LIPA: variants seen among roughly 807,000 people sequenced by gnomAD.
LIPA encodes lysosomal acid lipase/cholesteryl ester hydrolase.
Under a neutral mutation model 40.6 loss-of-function variants are expected in LIPA, and 26 were observed. The ratio of observed to expected loss-of-function variants is 0.64; its 90% CI spans 0.47 to 0.89. The LOEUF (loss-of-function observed/expected upper bound fraction) is 0.89. LIPA is among the 40% of genes least tolerant of loss of function. The probability of loss-of-function intolerance (pLI) is 0.00; values close to 1 mark genes in which losing one functional copy is unlikely to be tolerated. For missense variants in LIPA, 455 were observed against 479.6 expected (o/e 0.95, Z 0.48); for synonymous variants, 188 against 168.4 (o/e 1.12, Z -0.90).
intron 1 of LIPA, among the ~76,000 whole-genome samples, chr10:89,266,004 C>T (rs920537943): frequency 8.5e-5 from 13 of 152,270 alleles, no homozygotes; most frequent in African/African-American, 2.4e-4. Flanking sequence ...GTTTATTCAG[C>T]GTCCCTAAGA....
At chr10:89,291,492 C>G (rs1414345677) in intron 1 of LIPA, among the ~76,000 whole-genome samples, 1 of 152,144 alleles carries the variant, frequency 6.6e-6, no homozygotes, top group African/African-American at 2.4e-5. Flanking sequence ...TTATAGTTAA[C>G]CTACCACAAT....
At chr10:89,392,757 T>G (rs752448965) in intron 2 of LIPA, 1 of 1,607,734 alleles carries the variant, frequency 6.2e-7, no homozygotes, top group Admixed American at 1.7e-5. Flanking sequence ...TGTCTAAAGT[T>G]TTTGAAAAAA....
chr10:89,247,825 AATTTT>A (rs1843049365), intron 1 of LIPA, 176 bp from the exon 2 acceptor site: 1 of 321,238 alleles, frequency 3.1e-6, no homozygotes. Context: ...GGAATTTTTA[AATTTT>A]ATTTATTTAT....
intron 2 of LIPA, among the ~76,000 whole-genome samples, chr10:89,388,973 G>C (rs1190687579): frequency 1.3e-5 from 2 of 152,142 alleles, no homozygotes; most frequent in Non-Finnish European, 2.9e-5. Flanking sequence ...TGGAGTCCAA[G>C]TCCTCTCTCC....
chr10:89,359,796 C>A (rs1844010032), intron 2 of LIPA, among the ~76,000 whole-genome samples: 1 of 148,816 alleles, frequency 6.7e-6, no homozygotes, highest in Non-Finnish European at 1.5e-5. Context: ...CCCTCTCTAT[C>A]TATCTCTCTC....
chr10:89,300,713 G>A lies in LIPA; in HGVS notation c.-2+41898C>T, dbSNP rs570940121. Among the ~76,000 whole-genome samples the A allele has an allele frequency of 2.6e-4, 39 of 152,338 alleles. No homozygotes were observed. The South Asian group carries it at 2.9e-3, about 11-fold the overall frequency. ...ACATTGAAATTTCCCCTGGCCGGGC[G>A]TGGTGGCTCACGCCTGTAATCCCAG... On this transcript the variant is annotated intron_variant, in intron 1 of 5. Coordinates refer to the LIPA transcript ENST00000282673.
intron 1 of LIPA, among the ~76,000 whole-genome samples, chr10:89,263,102 A>G (rs1041938866): frequency 3.3e-5 from 5 of 152,226 alleles, no homozygotes; most frequent in Admixed American, 1.3e-4. Flanking sequence ...ATAGGGTATC[A>G]GGGCCAGTTT....
At chr10:89,334,537 C>T (rs1236518224) in intron 1 of LIPA, among the ~76,000 whole-genome samples, 1 of 101,690 alleles carries the variant, frequency 9.8e-6, no homozygotes, top group Non-Finnish European at 1.8e-5. Context: ...GCTCTTTCGC[C>T]CAGGCTGGAG....
intron 5 of LIPA, among the ~76,000 whole-genome samples, chr10:89,225,568 C>T (rs910404416): frequency 2.0e-5 from 3 of 152,200 alleles, no homozygotes; most frequent in African/African-American, 7.2e-5. Context: ...CTCACCCCAT[C>T]ACCTTTATCT....
intron 1 of LIPA, among the ~76,000 whole-genome samples, chr10:89,324,287 C>G (rs953675529): frequency 6.6e-6 from 1 of 152,276 alleles, no homozygotes; most frequent in Admixed American, 6.5e-5. Flanking sequence ...AAATGATTCC[C>G]TGTTCAATAA....
intron 1 of LIPA, among the ~76,000 whole-genome samples, chr10:89,266,062 G>A (rs527389681): frequency 6.6e-5 from 10 of 152,288 alleles, no homozygotes; most frequent in Non-Finnish European, 1.3e-4. Context: ...TTCTACATAT[G>A]ATATATGTTT....
At chr10:89,246,561 T>C (rs1277747413) in intron 2 of LIPA, among the ~76,000 whole-genome samples, 1 of 152,248 alleles carries the variant, frequency 6.6e-6, no homozygotes, top group Non-Finnish European at 1.5e-5. Flanking sequence ...TATCAGGTCA[T>C]ACTCTCCTGG....
intron 1 of LIPA, among the ~76,000 whole-genome samples, chr10:89,275,438 C>T (rs1843284654): frequency 1.3e-5 from 2 of 152,186 alleles, no homozygotes; most frequent in African/African-American, 4.8e-5. Context: ...AACTGCAGCT[C>T]GTGGTTGTGG....
intron 1 of LIPA, among the ~76,000 whole-genome samples, chr10:89,310,336 GACATATCCAATACA>G (rs1483685867): frequency 1.3e-5 from 2 of 152,090 alleles, no homozygotes; most frequent in African/African-American, 4.8e-5. Flanking sequence ...TATGTCAATT[GACATATCCAATACA>G]ACTGGATCCA....
At position 89,332,332 on chromosome 10, in the gene LIPA, A is replaced by G. The variant is rs142793743; in HGVS notation, c.-2+10279T>C. 45 of 244,184 alleles carry G rather than the reference A, an allele frequency of 1.8e-4. No homozygotes were observed. In the East Asian group the frequency reaches 7.6e-3, roughly 41 times the overall value. 15.1% of individuals were successfully genotyped at this position (244,184 alleles called of 1,614,324 possible). A position where few individuals can be genotyped will look rare whatever the true frequency, so the allele number is the denominator to read the frequency against. ...CACATTTGGAAGCTTCTAAAATTTT[A>G]TTTTCTTTTTACAGTGCCTTTTTAC... is the stretch of plus-strand genomic sequence containing the variant. On this transcript the variant is annotated intron_variant, in intron 1 of 5. Coordinates refer to the LIPA transcript ENST00000282673.
intron 2 of LIPA, among the ~76,000 whole-genome samples, chr10:89,378,556 C>A (rs1444133062): frequency 1.3e-5 from 2 of 152,132 alleles, no homozygotes; most frequent in African/African-American, 4.8e-5. Flanking sequence ...ACAGTGGGAG[C>A]TTAGGAATTA....
In LIPA at chr10:89,347,946, G is replaced by A. The variant is rs568493036; in HGVS notation, c.61+64845C>T. On this transcript the variant is annotated intron_variant, in intron 2 of 8. Coordinates refer to the LIPA transcript ENST00000371837. ...TACAGGTTTACAACCCCCACCATGT[G>A]GCCTTCCATGGTGAGGCCTACCACC... Among the ~76,000 whole-genome samples, 92 of 152,296 alleles carry A rather than the reference G, an allele frequency of 6.0e-4. 1 individual carries two copies. Among genetic ancestry groups the A allele is most frequent in the African/African-American group, 2.1e-3 (89 of 41,562 alleles).
chr10:89,230,454 G>A (rs1162494268), intron 3 of LIPA, among the ~76,000 whole-genome samples: 3 of 152,106 alleles, frequency 2.0e-5, no homozygotes, highest in Admixed American at 6.5e-5. Flanking sequence ...TTTCAGGCGT[G>A]CACCAACACA....
At chr10:89,227,929 G>A (rs778025527) in intron 4 of LIPA, among the ~76,000 whole-genome samples, 3 of 152,186 alleles carry the variant, frequency 2.0e-5, no homozygotes, top group Admixed American at 6.5e-5. Flanking sequence ...ATGGAATAAC[G>A]TTTACCCAGC....
Sources: allele counts gnomAD v4.1 joint callset (sites outside exome capture counted in the v4.1 genomes callset), GRCh38; gene constraint gnomAD v4.1.1; transcripts MANE v1.5; gene names NCBI Gene and HGNC (gene_info 2026-07-23, HGNC 2026-07-21).